The following HIBCH variants were observed in gnomAD, a reference collection of about 807,000 sequenced individuals.
HIBCH encodes 3-hydroxyisobutyryl-CoA hydrolase, mitochondrial.
Under a neutral mutation model 58.2 loss-of-function variants are expected in HIBCH, and 50 were observed. The observed-to-expected ratio is 0.86, with a 90% CI of 0.68 to 1.09. The LOEUF is 1.09. Among genes scored for constraint, HIBCH ranks in the 50% least tolerant of loss-of-function variants. The pLI is 0.00. For synonymous variants in HIBCH, 151 were observed against 146.9 expected, an observed-to-expected ratio of 1.03 and a Z score of -0.20; for missense variants, 450 against 449.7, an observed-to-expected ratio of 1.00 and a Z score of -0.01.
In HIBCH at chr2:190,212,935, AT is replaced by A. The variant is rs144660628; in HGVS notation, c.1011+20del. The A allele has an allele frequency of 1.3e-3, 1,898 of 1,496,388 alleles. No individual in the cohort carries two copies. The highest frequency in any genetic ancestry group is 2.0e-3 in the East Asian group (82 of 42,030). 92.7% of individuals were successfully genotyped at this position (1,496,388 alleles called of 1,614,324 possible). ...GTTACTTTTAGAACTAAAAAATGAC[AT>A]TTTTTTTTTAAATTCTTACCATACA... On this transcript the variant is annotated intron_variant, in intron 12 of 13. Coordinates refer to ENST00000359678, the MANE Select transcript of HIBCH (RefSeq NM_014362.4).
At chr2:190,189,928 G>C (rs1689634454) in exon 2 of HIBCH, 1 of 152,260 alleles carries the variant, frequency 6.6e-6, no homozygotes, top group African/African-American at 2.4e-5. Flanking sequence ...TAGAAAGGAA[G>C]CAGCAGGCCT....
chr2:190,319,596 A>T (rs1688794780), intron 1 of HIBCH, 120 bp downstream of exon 1: 1 of 839,152 alleles, frequency 1.2e-6, no homozygotes, highest in Admixed American at 2.0e-5. Context: ...GGGGTCTCAC[A>T]GCGGCGCCTC....
intron 11 of HIBCH, among the ~76,000 whole-genome samples, chr2:190,237,630 A>G (rs907592939): frequency 1.4e-4 from 22 of 151,982 alleles, no homozygotes; most frequent in Non-Finnish European, 2.6e-4. Context: ...GCCAAACTGC[A>G]TTCTTGCTGC....
intron 1 of HIBCH, among the ~76,000 whole-genome samples, chr2:190,192,633 C>T (rs1292907646): frequency 6.6e-6 from 1 of 152,004 alleles, no homozygotes; most frequent in Non-Finnish European, 1.5e-5. Context: ...AGAATATTGT[C>T]TTTCAGATCA....
At chr2:190,290,562 A>G (rs1687934048) in intron 4 of HIBCH, 77 bp from the exon 5 acceptor site, 1 of 948,594 alleles carries the variant, frequency 1.1e-6, no homozygotes, top group Non-Finnish European at 1.7e-6. Flanking sequence ...AGTATTATGA[A>G]AATTAAATAC....
intron 7 of HIBCH, among the ~76,000 whole-genome samples, chr2:190,259,319 A>ATATGTGTG (rs1356514373): frequency 8.2e-6 from 1 of 122,116 alleles, no homozygotes; most frequent in Non-Finnish European, 1.7e-5. Flanking sequence ...CAGTATACAG[A>ATATGTGTG]TGTGTGTGTG....
chr2:190,230,042 T>C (rs1044457135), intron 11 of HIBCH, among the ~76,000 whole-genome samples: 2 of 152,226 alleles, frequency 1.3e-5, no homozygotes, highest in Non-Finnish European at 2.9e-5. Context: ...GAATACCTTC[T>C]GCACATTTTA....
rs1253227884 is a variant in HIBCH, at chr2:190,210,722, G to C, written c.1012-1809C>G. ...TCTGCCCCCCATCCGCTTCCACACG[G>C]CCTCTTTGTGGTCCCTAGCACAGGC... On this transcript the variant is annotated intron_variant, in intron 12 of 13. Coordinates refer to ENST00000359678, the MANE Select transcript of HIBCH (RefSeq NM_014362.4). The surrounding 1 kb of genome is among the most constrained non-coding windows in gnomAD (Gnocchi z 5.5). Among the ~76,000 whole-genome samples, 1 of 151,924 alleles carries C rather than the reference G, an allele frequency of 6.6e-6. No homozygotes were observed. Among genetic ancestry groups the C allele is most frequent in the Non-Finnish European group, 1.5e-5 (1 of 67,982 alleles).
chr2:190,286,395 T>C (rs1198023449), intron 6 of HIBCH, among the ~76,000 whole-genome samples: 1 of 149,142 alleles, frequency 6.7e-6, no homozygotes, highest in Non-Finnish European at 1.5e-5. Context: ...GGCTCCCATG[T>C]CATGTAAAAC....
intron 5 of HIBCH, among the ~76,000 whole-genome samples, chr2:190,288,864 T>A (rs2941092): frequency 6.6e-6 from 1 of 152,052 alleles, no homozygotes; most frequent in African/African-American, 2.4e-5. Flanking sequence ...GTAATCCCAG[T>A]ACTTTGGGAG....
chr2:190,292,563 G>A (rs985868539), intron 4 of HIBCH, among the ~76,000 whole-genome samples: 2 of 152,148 alleles, frequency 1.3e-5, no homozygotes, highest in Non-Finnish European at 2.9e-5. Flanking sequence ...CTCCCACCTC[G>A]GCCTCCCAAA....
chr2:190,233,223 G>A (rs904697925), intron 11 of HIBCH, among the ~76,000 whole-genome samples: 1 of 152,054 alleles, frequency 6.6e-6, no homozygotes, highest in Non-Finnish European at 1.5e-5. Context: ...AGGATAAGCT[G>A]GATTACATTA....
intron 2 of HIBCH, among the ~76,000 whole-genome samples, chr2:190,301,636 A>T (rs1688264871): frequency 6.6e-6 from 1 of 152,244 alleles, no homozygotes; most frequent in Non-Finnish European, 1.5e-5. Context: ...CAACTGTCTT[A>T]GTCCATTCCT....
At chr2:190,227,335 A>G (rs1455722367) in intron 11 of HIBCH, among the ~76,000 whole-genome samples, 1 of 152,266 alleles carries the variant, frequency 6.6e-6, no homozygotes, top group Non-Finnish European at 1.5e-5. Context: ...TTCCCTATTT[A>G]ATAAATGGTG....
chr2:190,240,961 G>T (rs978119409), intron 11 of HIBCH, among the ~76,000 whole-genome samples: 3 of 152,156 alleles, frequency 2.0e-5, no homozygotes, highest in African/African-American at 7.2e-5. Context: ...GTTGATTTGG[G>T]GTAGAGAGTT....
chr2:190,212,474 CTATGTGA>C (rs1050880108), intron 12 of HIBCH, among the ~76,000 whole-genome samples: 3 of 152,112 alleles, frequency 2.0e-5, no homozygotes, highest in African/African-American at 7.2e-5. Context: ...AATCAATATT[CTATGTGA>C]TTATTGTCCA....
Position 190,310,768 on chromosome 2 carries a change from T to A in HIBCH, c.64A>T (p.Ile22Leu). ...RFNAFKRTNT[I>L]LHHLRMSKHT... The stretch of plus-strand genomic sequence containing the variant: ...CAATAACTTACCAAATGGTGCAGTA[T>A]GGTATTAGTCCTTTTGAATGCATTA... The change falls in exon 2 of 14, where the codon ATA becomes TTA. Residue 22 changes from isoleucine (I) to leucine (L), a missense_variant. Physicochemically the swap from Ile to Leu is conservative, Grantham distance 5. Coordinates refer to ENST00000359678, the MANE Select transcript of HIBCH (RefSeq NM_014362.4). The A allele has an allele frequency of 6.2e-7, 1 of 1,609,900 alleles. No homozygotes were observed. Among genetic ancestry groups the A allele is most frequent in the Non-Finnish European group, 8.5e-7 (1 of 1,176,172 alleles).
chr2:190,256,913 A>G lies in HIBCH; in HGVS notation c.517+4243T>C, dbSNP rs191859752. Among the ~76,000 whole-genome samples, 6 of 152,334 alleles carry G rather than the reference A, an allele frequency of 3.9e-5. No homozygotes were observed. The East Asian group carries it at 1.2e-3, about 29-fold the overall frequency. ...TTAATGAATTTAAGGACACAGGAAC[A>G]GAAACTATCTAAAATGAAAGAGAGA... On this transcript the variant is annotated intron_variant, in intron 7 of 13. Coordinates refer to ENST00000359678, the MANE Select transcript of HIBCH (RefSeq NM_014362.4).
intron 9 of HIBCH, among the ~76,000 whole-genome samples, chr2:190,249,153 G>T (rs1686692795): frequency 6.6e-6 from 1 of 152,168 alleles, no homozygotes; most frequent in Non-Finnish European, 1.5e-5. Flanking sequence ...ATTTTGAATG[G>T]TGTTTTAGGA....
Sources: gnomAD v4.1 joint callset for allele counts (sites outside exome capture counted in the v4.1 genomes callset) on GRCh38, gnomAD v4.1.1 for gene constraint, Gnocchi (gnomAD v3.1) non-coding constraint, MANE v1.5 for transcripts, NCBI Gene and HGNC (gene_info 2026-07-23, HGNC 2026-07-21) for gene names.